ANAPC1: variants seen among roughly 807,000 people sequenced by gnomAD.
The protein encoded by ANAPC1 is anaphase-promoting complex subunit 1.
A neutral mutation model predicts 208.0 loss-of-function variants in ANAPC1; 36 were observed. That is an observed-to-expected ratio of 0.17 (90% CI 0.13 to 0.23). The LOEUF is 0.23. Among genes scored for constraint, ANAPC1 ranks in the 10% least tolerant of loss-of-function variants. ANAPC1 has a pLI of 1.00. For missense variants in ANAPC1, 942 were observed against 2,011.6 expected (o/e 0.47, Z 10.17); for synonymous variants, 378 against 695.2 (o/e 0.54, Z 7.18).
chr2:111,863,622 T>C (rs11689168), intron 9 of ANAPC1, 53 bp downstream of exon 9: 338,326 of 1,531,032 alleles, frequency 0.22, 38,691 homozygotes, highest in Middle Eastern at 0.29. Flanking sequence ...AAATTCTAAA[T>C]CCTTCAAAAC....
chr2:111,846,674 A>T (rs1287587758), intron 16 of ANAPC1, among the ~76,000 whole-genome samples: 1 of 144,502 alleles, frequency 6.9e-6, no homozygotes, highest in East Asian at 2.1e-4. Context: ...GGTTCAAGCG[A>T]TTCTCCTGCT....
chr2:111,870,269 T>C (rs1484564394), intron 6 of ANAPC1, among the ~76,000 whole-genome samples: 4 of 152,208 alleles, frequency 2.6e-5, no homozygotes, highest in Non-Finnish European at 1.5e-5. Flanking sequence ...GTAGACGTAC[T>C]TTTAGTTCTT....
At chr2:111,875,382 CG>C (rs57943208) in intron 3 of ANAPC1, among the ~76,000 whole-genome samples, 23,982 of 152,098 alleles carry the variant, frequency 0.16, 1,939 homozygotes, top group Admixed American at 0.19. Context: ...TACAATGCAC[CG>C]ATTACAGTCT....
intron 13 of ANAPC1, among the ~76,000 whole-genome samples, chr2:111,852,858 A>T (rs182866774): frequency 9.9e-5 from 15 of 151,954 alleles, no homozygotes; most frequent in Admixed American, 6.6e-5. Flanking sequence ...GTGGTGGCTC[A>T]TGTCTGTAAT....
At chr2:111,846,617 TG>T (rs1681101516) in intron 16 of ANAPC1, among the ~76,000 whole-genome samples, 1 of 128,212 alleles carries the variant, frequency 7.8e-6, no homozygotes, top group Non-Finnish European at 1.6e-5. Context: ...TCACCTAGGC[TG>T]GAGTGCAGTG....
rs532002361 is a variant in ANAPC1, at chr2:111,842,061, A to G, written c.2040+1351T>C. 3.9e-5 allele frequency among the ~76,000 whole-genome samples: 6 copies of G among 152,322 alleles called. No homozygotes were observed. In the South Asian group the frequency reaches 1.0e-3, roughly 26 times the overall value. ...TTGGGAAGTAACTAGAGATGTGGTT[A>G]AAGAGTCGTGAAAAAGGATGTTTAT... On this transcript the variant is annotated intron_variant, in intron 17 of 47. Transcript: ENST00000341068.
At chr2:111,872,906 A>T (rs1379306626) in intron 5 of ANAPC1, 194 bp from the exon 6 acceptor site, 1 of 571,078 alleles carries the variant, frequency 1.8e-6, no homozygotes, top group African/African-American at 1.9e-5. Context: ...AAATCTAATA[A>T]AGAGGAGTTG....
At position 111,768,358 on chromosome 2, in the gene ANAPC1, C is replaced by A. The variant is rs550326075; in HGVS notation, c.*933G>T. On this transcript the variant is annotated 3_prime_UTR_variant, in exon 48 of 48. Coordinates refer to ENST00000341068, the MANE Select transcript of ANAPC1 (RefSeq NM_022662.4). ...CCTCTGTAGTAATTTCTTATTTTAT[C>A]TATTTAGAGCAGGCTTCACGTATTA... is the stretch of plus-strand genomic sequence containing the variant. 6.6e-6 allele frequency: 1 copy of A among 151,922 alleles called. No individual in the cohort carries two copies. Among genetic ancestry groups the A allele is most frequent in the Non-Finnish European group, 1.5e-5 (1 of 67,996 alleles). The allele number at this position is 151,922 out of a possible 1,614,324, so 9.4% of individuals were successfully genotyped here. A position where few individuals can be genotyped will look rare whatever the true frequency, so the allele number is the denominator to read the frequency against.
At chr2:111,882,752 GAA>G (rs1465054939) in intron 1 of ANAPC1, among the ~76,000 whole-genome samples, 2 of 147,438 alleles carry the variant, frequency 1.4e-5, no homozygotes, top group Non-Finnish European at 3.0e-5. Context: ...AAAAAAAAAA[GAA>G]AAGTTATTCT....
chr2:111,867,119 C>T (rs1271736454), intron 7 of ANAPC1, among the ~76,000 whole-genome samples: 2 of 151,662 alleles, frequency 1.3e-5, no homozygotes, highest in African/African-American at 4.8e-5. Flanking sequence ...GGTGAAACTA[C>T]GTCTCTACTA....
chr2:111,841,324 A>G (rs1191686080), intron 17 of ANAPC1, among the ~76,000 whole-genome samples: 1 of 152,050 alleles, frequency 6.6e-6, no homozygotes, highest in Non-Finnish European at 1.5e-5. Context: ...GACACAAAAC[A>G]AAATAAGTAA....
downstream of ANAPC1, among the ~76,000 whole-genome samples, chr2:111,767,193 G>A (rs1410945382): frequency 6.7e-6 from 1 of 149,788 alleles, no homozygotes; most frequent in Non-Finnish European, 1.5e-5. Flanking sequence ...ATCCTCACCA[G>A]CGTCTGCCTC....
In ANAPC1 at chr2:111,782,450, G is replaced by A. The variant is rs369292341; in HGVS notation, c.5121C>T (p.Ser1707=). The change falls in exon 43 of 48, where the codon TCC becomes TCT. Residue 1707 remains serine, a synonymous_variant. Coordinates refer to ENST00000341068, the MANE Select transcript of ANAPC1 (RefSeq NM_022662.4). ...LYVKLRAGQL[S]YKEDPMGWQS... ...GCCATCCCATTGGATCTTCTTTGTA[G>A]GAGAGCTGACCCGCCCGGAGTTTAA... 4.6e-5 allele frequency: 74 copies of A among 1,613,408 alleles called. No individual in the cohort carries two copies. Among genetic ancestry groups the A allele is most frequent in the Admixed American group, 1.3e-4 (8 of 59,948 alleles).
At chr2:111,878,282 T>C (rs1490455298) in intron 3 of ANAPC1, among the ~76,000 whole-genome samples, 1 of 152,204 alleles carries the variant, frequency 6.6e-6, no homozygotes, top group Non-Finnish European at 1.5e-5. Flanking sequence ...TAAGTACAAG[T>C]TTTCCTTCAT....
intron 29 of ANAPC1, among the ~76,000 whole-genome samples, chr2:111,807,574 C>A (rs1221310644): frequency 3.3e-5 from 5 of 151,384 alleles, no homozygotes; most frequent in African/African-American, 1.2e-4. Context: ...CGCCTGTAGT[C>A]CCAGCTACTC....
At chr2:111,873,544 A>G (rs1163432871) in intron 4 of ANAPC1, 69 bp downstream of exon 4, 25 of 1,484,724 alleles carry the variant, frequency 1.7e-5, no homozygotes, top group Non-Finnish European at 2.2e-5. Flanking sequence ...CTTCATTTGA[A>G]TGAAAAATAC....
chr2:111,839,988 C>T (rs1234712063), intron 17 of ANAPC1, among the ~76,000 whole-genome samples: 2 of 152,080 alleles, frequency 1.3e-5, no homozygotes, highest in African/African-American at 4.8e-5. Flanking sequence ...ATTTGTTTCC[C>T]CCAAGACAGT....
chr2:111,871,888 T>G (rs1402700465), intron 6 of ANAPC1, among the ~76,000 whole-genome samples: 1 of 152,226 alleles, frequency 6.6e-6, no homozygotes, highest in African/African-American at 2.4e-5. Context: ...TAGGGGTCTT[T>G]TGGAGGAGTC....
At chr2:111,875,460 C>A (rs1258545834) in intron 3 of ANAPC1, among the ~76,000 whole-genome samples, 4 of 152,304 alleles carry the variant, frequency 2.6e-5, no homozygotes, top group Admixed American at 2.6e-4. Flanking sequence ...TCTCTTTTAT[C>A]CCTGATATCT....
Sources: allele counts gnomAD v4.1 joint callset (sites outside exome capture counted in the v4.1 genomes callset), GRCh38; gene constraint gnomAD v4.1.1; transcripts MANE v1.5; gene names NCBI Gene and HGNC (gene_info 2026-07-23, HGNC 2026-07-21).